The following PARVA variants were observed in gnomAD, a reference collection of about 807,000 sequenced individuals.
PARVA encodes parvin alpha.
In PARVA, 25 loss-of-function variants were observed where a neutral mutation model predicts 52.6. That is an observed-to-expected ratio of 0.48 (90% CI 0.35 to 0.66). The LOEUF is 0.66. Among genes scored for constraint, PARVA ranks in the 30% least tolerant of loss-of-function variants. The pLI, the probability that PARVA is intolerant of heterozygous loss-of-function variation, is 0.01. For synonymous variants in PARVA, 185 were observed against 179.1 expected (o/e 1.03, Z -0.26); for missense variants, 373 against 450.9 (o/e 0.83, Z 1.56).
chr11:12,468,239 TGAGGCAGGCCTAC>T (rs1249357027), intron 1 of PARVA, among the ~76,000 whole-genome samples: 9 of 152,320 alleles, frequency 5.9e-5, no homozygotes, highest in Admixed American at 3.3e-4. Flanking sequence ...TTGAGCAGAC[TGAGGCAGGCCTAC>T]GTCAAATCCC....
intron 1 of PARVA, among the ~76,000 whole-genome samples, chr11:12,435,160 T>A (rs1206085473): frequency 6.6e-6 from 1 of 152,236 alleles, no homozygotes; most frequent in South Asian, 2.1e-4. Flanking sequence ...ACTTGATCTC[T>A]CTCTTCAGCT....
rs1188371171 is a variant in PARVA, at chr11:12,532,533, A to G, written c.*4608A>G. 6.6e-6 allele frequency among the ~76,000 whole-genome samples: 1 copy of G among 152,224 alleles called. No homozygotes were observed. The highest frequency in any genetic ancestry group is 1.5e-5 in the Non-Finnish European group (1 of 68,042). ...GTATGTGTTGAGTGCAGCATGTCCA[A>G]GGGTGAGTGAGAGATTATAGCTAGC... On this transcript the variant is annotated 3_prime_UTR_variant, in exon 13 of 13. Transcript: ENST00000334956.
At chr11:12,431,368 C>T (rs2081611) in intron 1 of PARVA, among the ~76,000 whole-genome samples, 63,064 of 151,832 alleles carry the variant, frequency 0.42, 13,649 homozygotes, top group East Asian at 0.54. Flanking sequence ...CCTGTGCATT[C>T]AGCCCCTGCC....
At chr11:12,431,725 C>T (rs1023640684) in intron 1 of PARVA, among the ~76,000 whole-genome samples, 1 of 152,382 alleles carries the variant, frequency 6.6e-6, no homozygotes, top group Non-Finnish European at 1.5e-5. Flanking sequence ...CTGCATGGCC[C>T]TGAGGCCAGT....
intron 5 of PARVA, among the ~76,000 whole-genome samples, chr11:12,502,186 TCTGTTTGTGGTGATGGTGAGCTG>T (rs979038962): frequency 2.0e-5 from 3 of 152,188 alleles, no homozygotes; most frequent in African/African-American, 7.2e-5. Flanking sequence ...CAGTTCAGCT[TCTGTTTGTGGTGATGGTGAGCTG>T]CTGTTCATAA....
At chr11:12,437,593 T>C (rs1940403552) in intron 1 of PARVA, among the ~76,000 whole-genome samples, 1 of 152,206 alleles carries the variant, frequency 6.6e-6, no homozygotes, top group Admixed American at 6.5e-5. Context: ...TTTGTTCACA[T>C]GAATTGAATT....
At chr11:12,467,780 C>T (rs1205076753) in intron 1 of PARVA, among the ~76,000 whole-genome samples, 1 of 152,184 alleles carries the variant, frequency 6.6e-6, no homozygotes. Flanking sequence ...CATCCTGGTT[C>T]TTTTCTTGCC....
chr11:12,379,498 G>A (rs1384292707), intron 1 of PARVA, among the ~76,000 whole-genome samples: 2 of 152,136 alleles, frequency 1.3e-5, no homozygotes, highest in Non-Finnish European at 2.9e-5. Flanking sequence ...AATATAGTTA[G>A]TTTACCAATC....
At chr11:12,484,033 G>A (rs1941124149) in intron 4 of PARVA, among the ~76,000 whole-genome samples, 1 of 152,170 alleles carries the variant, frequency 6.6e-6, no homozygotes, top group African/African-American at 2.4e-5. Context: ...TTACTCCATG[G>A]CATCAATAAG....
At chr11:12,414,101 T>C (rs1940030668) in intron 1 of PARVA, among the ~76,000 whole-genome samples, 1 of 152,150 alleles carries the variant, frequency 6.6e-6, no homozygotes, top group South Asian at 2.1e-4. Flanking sequence ...TCTGGGACTC[T>C]CCCCGTGCCA....
chr11:12,417,550 T>G (rs1475504667), intron 1 of PARVA, among the ~76,000 whole-genome samples: 1 of 152,192 alleles, frequency 6.6e-6, no homozygotes, highest in Non-Finnish European at 1.5e-5. Flanking sequence ...AATTTTTCTG[T>G]CTGCATTTTC....
intron 12 of PARVA, among the ~76,000 whole-genome samples, chr11:12,524,549 T>C (rs1941677389): frequency 6.6e-6 from 1 of 152,226 alleles, no homozygotes; most frequent in Non-Finnish European, 1.5e-5. Flanking sequence ...CCCGTGCTCA[T>C]GCCTCCACTT....
rs571973101 is a variant in PARVA, at chr11:12,406,661, G to GTTTTTTTTTTTTTTT, written c.136+28891_136+28905dup. Among the ~76,000 whole-genome samples, 124 of 77,790 alleles carry GTTTTTTTTTTTTTTT rather than the reference G, an allele frequency of 1.6e-3. 9 individuals are homozygous for GTTTTTTTTTTTTTTT. The highest frequency in any genetic ancestry group is 2.9e-3 in the African/African-American group (54 of 18,482). The allele number at this position is 77,790 out of a possible 152,430, so 51.0% of individuals were successfully genotyped here. ...ATTGTTAGCTATTTAGGTTGTATCT[G>GTTTTTTTTTTTTTTT]TTTTTTTTTTTTTTTTTTTTTTTTT... On this transcript the variant is annotated intron_variant, in intron 1 of 12. Transcript: ENST00000334956.
At position 12,489,090 on chromosome 11, in the gene PARVA, CA is replaced by C. The variant is rs1354373298; in HGVS notation, c.401-7366del. 4.6e-5 allele frequency among the ~76,000 whole-genome samples: 7 copies of C among 151,094 alleles called. No individual in the cohort carries two copies. In the South Asian group the frequency reaches 1.5e-3, roughly 32 times the overall value. On this transcript the variant is annotated intron_variant, in intron 4 of 12. Transcript: ENST00000334956. ...CTGTAGCCCCAGCACTTTGGGAAGC[CA>C]AGGTGGGAGGATTGCTTGAGCCCAG... is the stretch of plus-strand genomic sequence containing the variant.
intron 3 of PARVA, 127 bp from the exon 4 acceptor site, chr11:12,477,720 T>G (rs1941033922): frequency 1.6e-6 from 1 of 626,210 alleles, no homozygotes; most frequent in South Asian, 1.9e-5. Flanking sequence ...CCATCTCAAA[T>G]AAAATGAAAC....
At chr11:12,405,606 T>C (rs1035930796) in intron 1 of PARVA, among the ~76,000 whole-genome samples, 11 of 152,146 alleles carry the variant, frequency 7.2e-5, no homozygotes. Context: ...ATAGTGTTTT[T>C]GCTATTAATA....
At chr11:12,459,672 A>AT (rs5789724) in intron 1 of PARVA, among the ~76,000 whole-genome samples, 4,867 of 152,244 alleles carry the variant, frequency 0.032, 283 homozygotes, top group African/African-American at 0.11. Context: ...TTAAAGTGAT[A>AT]TTTTTATGGC....
In PARVA at chr11:12,404,430, G is replaced by A. The variant is rs150105186; in HGVS notation, c.136+26647G>A. On this transcript the variant is annotated intron_variant, in intron 1 of 12. Transcript: ENST00000334956. ...CAGTCCTAAAGGGATTCAAGAGTGCGCTCAGTCTGGGTGGGCCCAGGAGGG... is the reference window on the plus strand; with the variant it reads ...CAGTCCTAAAGGGATTCAAGAGTGCACTCAGTCTGGGTGGGCCCAGGAGGG... Among the ~76,000 whole-genome samples, 17 of 152,334 alleles carry A rather than the reference G, an allele frequency of 1.1e-4. No homozygotes were observed. In the South Asian group the frequency reaches 1.2e-3, roughly 11 times the overall value.
chr11:12,396,092 C>A (rs77306612), intron 1 of PARVA, among the ~76,000 whole-genome samples: 1 of 152,136 alleles, frequency 6.6e-6, no homozygotes, highest in Non-Finnish European at 1.5e-5. Flanking sequence ...CTTACAGGAA[C>A]CCTGGGAGGT....
Sources: allele counts gnomAD v4.1 joint callset (sites outside exome capture counted in the v4.1 genomes callset), GRCh38; gene constraint gnomAD v4.1.1; transcripts MANE v1.5; gene names NCBI Gene and HGNC (gene_info 2026-07-23, HGNC 2026-07-21).